LINC00632: variants seen among roughly 807,000 people sequenced by gnomAD.
LINC00632 encodes long independently transcribed non-coding RNA 632.
At chrX:140,780,091 C>A (rs1931914305) in exon 5 of LINC00632, among the ~76,000 whole-genome samples, 1 of 111,947 alleles carries the variant, frequency 8.9e-6, no homozygotes, top group African/African-American at 3.2e-5. Flanking sequence ...AGTTTCTGAT[C>A]TGTAAAATGC....
At chrX:140,712,849 C>CT (rs1358099014) in intron 2 of LINC00632, among the ~76,000 whole-genome samples, 2 of 96,219 alleles carry the variant, frequency 2.1e-5, no homozygotes, top group Admixed American at 1.2e-4. Context: ...TTTACTGATT[C>CT]TGGGGGGGAA....
At chrX:140,777,957 G>T (rs1173246325) in exon 5 of LINC00632, among the ~76,000 whole-genome samples, 1 of 111,950 alleles carries the variant, frequency 8.9e-6, no homozygotes, top group Non-Finnish European at 1.9e-5. Context: ...CCATGTTTTA[G>T]TCCCTCCCAG....
intron 3 of LINC00632, among the ~76,000 whole-genome samples, chrX:140,758,781 T>C (rs1260004812): frequency 2.7e-5 from 3 of 111,190 alleles, no homozygotes; most frequent in Non-Finnish European, 5.7e-5. Context: ...CAAAGAACAA[T>C]GAATTACCTC....
At chrX:140,774,066 T>C (rs1466397438) in exon 4 of LINC00632, among the ~76,000 whole-genome samples, 2 of 112,170 alleles carry the variant, frequency 1.8e-5, no homozygotes, top group Non-Finnish European at 3.8e-5. Flanking sequence ...TGCAAACCAT[T>C]TGAATAGTGA....
intron 2 of LINC00632, among the ~76,000 whole-genome samples, chrX:140,723,463 C>T (rs1447121906): frequency 1.8e-4 from 9 of 50,703 alleles, no homozygotes; most frequent in Non-Finnish European, 3.5e-4. Flanking sequence ...CACACACACA[C>T]ATTCCATACA....
At chrX:140,779,342 G>T (rs143177539) in exon 5 of LINC00632, among the ~76,000 whole-genome samples, 1,235 of 112,199 alleles carry the variant, frequency 0.011, 22 homozygotes, top group African/African-American at 0.038. Flanking sequence ...CATTTAAAAA[G>T]AACTTTTTGT....
In LINC00632 at chrX:140,711,525, A is replaced by C. The variant is rs779133568; in HGVS notation, n.69-96A>C. 1.1e-4 allele frequency: 22 copies of C among 201,729 alleles called. No individual in the cohort carries two copies. The South Asian group carries it at 1.5e-3, about 14-fold the overall frequency. 16.6% of individuals were successfully genotyped at this position (201,729 alleles called of 1,213,427 possible). A position where few individuals can be genotyped will look rare whatever the true frequency, so the allele number is the denominator to read the frequency against. ...TGTCCCACTAAATGTCCAATTATTGAATGTTTATATGTGCATTATTTTTGC... is the reference window on the plus strand; with the variant it reads ...TGTCCCACTAAATGTCCAATTATTGCATGTTTATATGTGCATTATTTTTGC... On this transcript the variant is annotated intron_variant and non_coding_transcript_variant, in intron 1 of 4. Transcript: ENST00000648200.
chrX:140,773,205 A>AG (rs1491183912), exon 4 of LINC00632, among the ~76,000 whole-genome samples: 1 of 104,632 alleles, frequency 9.6e-6, no homozygotes, highest in African/African-American at 3.9e-5. Context: ...AGAAGAGAAG[A>AG]AAGAAGAGAA....
rs1013379213 is a variant in LINC00632 at position 140,772,461 on chromosome X, A to G, written n.575A>G. ...GATATACAACTTGCAGTCATTGTAA[A>G]TATGCGTGAGTTAGGGGTGAGAATG... On this transcript the variant is annotated non_coding_transcript_exon_variant, in exon 4 of 5. Coordinates refer to ENST00000648200, the Ensembl canonical transcript of LINC00632. The G allele has an allele frequency of 8.5e-5, 25 of 292,566 alleles. 1 individual carries two copies. In the Admixed American group the frequency reaches 1.4e-3, roughly 16 times the overall value. 24.1% of individuals were successfully genotyped at this position (292,566 alleles called of 1,213,427 possible). A position where few individuals can be genotyped will look rare whatever the true frequency, so the allele number is the denominator to read the frequency against.
intron 2 of LINC00632, among the ~76,000 whole-genome samples, chrX:140,712,415 T>A (rs1930535783): frequency 9.3e-6 from 1 of 107,127 alleles, no homozygotes; most frequent in African/African-American, 3.4e-5. Context: ...CCTCTTTTTT[T>A]TTTTTTTTTT....
At chrX:140,747,242 A>G (rs766646258) in intron 3 of LINC00632, among the ~76,000 whole-genome samples, 2 of 111,854 alleles carry the variant, frequency 1.8e-5, no homozygotes, top group African/African-American at 3.2e-5. Context: ...AAAGAATTAC[A>G]TCGGGCTGGG....
chrX:140,738,537 T>G (rs1446519073), intron 3 of LINC00632, among the ~76,000 whole-genome samples: 3 of 112,141 alleles, frequency 2.7e-5, no homozygotes. Flanking sequence ...TTTGTTTTGT[T>G]GATAAATACA....
chrX:140,730,863 G>A (rs1931044879), intron 2 of LINC00632, among the ~76,000 whole-genome samples: 1 of 111,202 alleles, frequency 9.0e-6, no homozygotes, highest in Non-Finnish European at 1.9e-5. Context: ...GGGCCTACAT[G>A]CTCACACAGA....
At chrX:140,737,017 A>G (rs1026823470) in intron 3 of LINC00632, among the ~76,000 whole-genome samples, 4 of 104,162 alleles carry the variant, frequency 3.8e-5, no homozygotes, top group African/African-American at 1.4e-4. Flanking sequence ...CTCGTGCCTC[A>G]GCCTCCCGAG....
chrX:140,727,579 C>T (rs950609633), intron 2 of LINC00632, among the ~76,000 whole-genome samples: 2 of 111,541 alleles, frequency 1.8e-5, no homozygotes, highest in Non-Finnish European at 3.8e-5. Flanking sequence ...AGGCGTGAGC[C>T]ACCACGCCCG....
chrX:140,788,233 A>G (rs1437236959), exon 5 of LINC00632, among the ~76,000 whole-genome samples: 1 of 110,424 alleles, frequency 9.1e-6, no homozygotes, highest in Non-Finnish European at 1.9e-5. Flanking sequence ...ATTATGGTTA[A>G]CATTCTAGTA....
intron 3 of LINC00632, among the ~76,000 whole-genome samples, chrX:140,755,877 T>C (rs903252830): frequency 9.0e-6 from 1 of 111,286 alleles, no homozygotes; most frequent in Non-Finnish European, 1.9e-5. Context: ...GGTCAGATTG[T>C]CCCTAAATAT....
exon 5 of LINC00632, chrX:140,784,311 A>ACG (rs1408527676): frequency 1.5e-5 from 18 of 1,192,851 alleles, no homozygotes; most frequent in African/African-American, 1.8e-5. Context: ...CAACAAAGGT[A>ACG]TGTCTTCCAA....
intron 2 of LINC00632, among the ~76,000 whole-genome samples, chrX:140,729,740 T>C: frequency 9.0e-6 from 1 of 110,901 alleles, no homozygotes; most frequent in Non-Finnish European, 1.9e-5. Flanking sequence ...CCATGCTTTA[T>C]AGAGATAGCC....
Sources: allele counts gnomAD v4.1 joint callset (sites outside exome capture counted in the v4.1 genomes callset), GRCh38; gene constraint gnomAD v4.1.1; transcripts MANE v1.5; gene names NCBI Gene and HGNC (gene_info 2026-07-23, HGNC 2026-07-21).